SLC37A3: variants seen among roughly 807,000 people sequenced by gnomAD.
SLC37A3 encodes the protein sugar phosphate exchanger 3.
Under a neutral mutation model 67.1 loss-of-function variants are expected in SLC37A3, and 51 were observed. That is an observed-to-expected ratio of 0.76 (90% CI 0.61 to 0.96). The LOEUF (loss-of-function observed/expected upper bound fraction) is 0.96. Among genes scored for constraint, SLC37A3 ranks in the 40% least tolerant of loss-of-function variants. SLC37A3 has a pLI of 0.00. For missense variants in SLC37A3, 508 were observed against 603.0 expected (o/e 0.84, Z 1.65); for synonymous variants, 214 against 231.4 (o/e 0.92, Z 0.68).
At chr7:140,364,047 A>G (rs1797495197) in intron 5 of SLC37A3, among the ~76,000 whole-genome samples, 1 of 152,206 alleles carries the variant, frequency 6.6e-6, no homozygotes, top group Non-Finnish European at 1.5e-5. Flanking sequence ...ACCTGAGGCC[A>G]GGAGATAAGA....
At chr7:140,381,044 C>T (rs1264930103) in intron 2 of SLC37A3, among the ~76,000 whole-genome samples, 3 of 151,508 alleles carry the variant, frequency 2.0e-5, no homozygotes, top group African/African-American at 7.3e-5. Flanking sequence ...ATCACAGGCA[C>T]GTGCCATCAC....
intron 3 of SLC37A3, 163 bp downstream of exon 3, chr7:140,380,119 A>G (rs1798191556): frequency 2.3e-6 from 1 of 427,704 alleles, no homozygotes. Flanking sequence ...GGACTGAGTC[A>G]GAGCAGGCTT....
At chr7:140,384,759 T>C (rs1471962342) in intron 1 of SLC37A3, among the ~76,000 whole-genome samples, 1 of 145,902 alleles carries the variant, frequency 6.9e-6, no homozygotes, top group Non-Finnish European at 1.5e-5. Context: ...TTTATCCTCA[T>C]ATTCAAGGGA....
intron 7 of SLC37A3, among the ~76,000 whole-genome samples, chr7:140,352,642 T>C (rs1356585337): frequency 6.6e-6 from 1 of 152,064 alleles, no homozygotes; most frequent in African/African-American, 2.4e-5. Context: ...AGTAAGACAA[T>C]GTCTTAGGGA....
chr7:140,341,784 T>C (rs1010778364), intron 13 of SLC37A3, among the ~76,000 whole-genome samples: 1 of 152,162 alleles, frequency 6.6e-6, no homozygotes, highest in African/African-American at 2.4e-5. Context: ...CCCATTTAGT[T>C]AGTGAAGAAA....
intron 4 of SLC37A3, among the ~76,000 whole-genome samples, chr7:140,366,861 G>A (rs907555060): frequency 2.0e-5 from 3 of 152,130 alleles, no homozygotes; most frequent in East Asian, 1.9e-4. Context: ...TAGGCTGGGC[G>A]CAGTGGCTCA....
At position 140,334,683 on chromosome 7, in the gene SLC37A3, T is replaced by C. The variant is rs1796067032; in HGVS notation, c.*729A>G. ...TGTTCAAGATAACTGATGTACCTTATGGTCCTTGAAAGGAAGACTCAATAC... is the reference window on the plus strand; with the variant it reads ...TGTTCAAGATAACTGATGTACCTTACGGTCCTTGAAAGGAAGACTCAATAC... On this transcript the variant is annotated 3_prime_UTR_variant, in exon 15 of 15. Transcript: ENST00000326232. 1 of 157,848 alleles carries C rather than the reference T, an allele frequency of 6.3e-6. No individual in the cohort carries two copies. Among genetic ancestry groups the C allele is most frequent in the Admixed American group, 6.0e-5 (1 of 16,586 alleles). The allele number at this position is 157,848 out of a possible 1,614,324, so 9.8% of individuals were successfully genotyped here. A position where few individuals can be genotyped will look rare whatever the true frequency, so the allele number is the denominator to read the frequency against.
chr7:140,335,755 A>T (rs557683943), intron 14 of SLC37A3, among the ~76,000 whole-genome samples: 1 of 152,234 alleles, frequency 6.6e-6, no homozygotes, highest in African/African-American at 2.4e-5. Flanking sequence ...GGAGCAGAGA[A>T]CTGAGACCAG....
rs1003182865 is a variant in SLC37A3 at position 140,335,415 on chromosome 7, C to T, written c.1482G>A (p.Glu494=). The T allele has an allele frequency of 1.2e-6, 2 of 1,614,200 alleles. No homozygotes were observed. Among genetic ancestry groups the T allele is most frequent in the South Asian group, 1.1e-5 (1 of 91,080 alleles). The change falls in exon 15 of 15, where the codon GAG becomes GAA. Residue 494 remains glutamate (E), a synonymous_variant. Transcript: ENST00000326232. ...VLRRQAHILR[E] is the part of the protein sequence containing the mutation. ...CTTTCTGTCTCGCGGGCACCGGTCA[C>T]TCCCTCAATATGTGAGCCTGTCTCC...
At chr7:140,353,713 T>C (rs990223435) in intron 7 of SLC37A3, among the ~76,000 whole-genome samples, 26 of 151,808 alleles carry the variant, frequency 1.7e-4, no homozygotes, top group Admixed American at 1.4e-3. Flanking sequence ...GCACACTGTT[T>C]TGTTTTGTTT....
chr7:140,396,046 C>A (rs534886613), intron 1 of SLC37A3, among the ~76,000 whole-genome samples: 3 of 151,446 alleles, frequency 2.0e-5, no homozygotes, highest in Admixed American at 2.0e-4. Context: ...GACAGGGTCT[C>A]ACTCTGTTAC....
chr7:140,352,290 A>G, intron 7 of SLC37A3, 144 bp from the exon 8 acceptor site: 1 of 685,712 alleles, frequency 1.5e-6, no homozygotes, highest in Non-Finnish European at 2.5e-6. Flanking sequence ...CAGAGCTTCT[A>G]CTGGGCCGGG....
chr7:140,351,591 A>G, intron 8 of SLC37A3, 140 bp from the exon 9 acceptor site: 2 of 766,052 alleles, frequency 2.6e-6, no homozygotes, highest in East Asian at 2.7e-5. Flanking sequence ...ACCGAGGTCA[A>G]CTAAGGTCAA....
intron 13 of SLC37A3, chr7:140,337,571 C>T: frequency 2.7e-6 from 1 of 376,932 alleles, no homozygotes; most frequent in East Asian, 4.1e-5. Flanking sequence ...TAGAAGTTGT[C>T]AGTTCAGAAG....
intron 5 of SLC37A3, among the ~76,000 whole-genome samples, chr7:140,362,341 C>G (rs1797352083): frequency 7.1e-6 from 1 of 141,784 alleles, no homozygotes; most frequent in Admixed American, 6.9e-5. Context: ...AAGTGAGGAG[C>G]CCCTCCGTCC....
chr7:140,351,387 A>G lies in SLC37A3; in HGVS notation c.768T>C (p.Gly256=). The G allele has an allele frequency of 6.2e-7, 1 of 1,614,068 alleles. No homozygotes were observed. Among genetic ancestry groups the G allele is most frequent in the Non-Finnish European group, 8.5e-7 (1 of 1,180,016 alleles). The change falls in exon 9 of 15, where the codon GGT becomes GGC. Residue 256 remains glycine (G), a synonymous_variant. Transcript: ENST00000326232. ...GCTCATATTCGTCTTCATTTTCACC[A>G]CCATTAATTAATGGCCTGTGTGAGT... ...EEDSHRPLIN[G]GENEDEYEPN...
chr7:140,365,691 A>G (rs1378891467), intron 4 of SLC37A3, among the ~76,000 whole-genome samples: 3 of 152,166 alleles, frequency 2.0e-5, no homozygotes, highest in Non-Finnish European at 4.4e-5. Flanking sequence ...ACTGCACTCC[A>G]GCCTGGGCGA....
intron 5 of SLC37A3, among the ~76,000 whole-genome samples, chr7:140,361,500 C>CTCTCCCT (rs1563027197): frequency 4.1e-4 from 20 of 48,588 alleles, no homozygotes; most frequent in Non-Finnish European, 5.7e-4. Context: ...TCTCCCTCCC[C>CTCTCCCT]CTCCCCCTCC....
intron 4 of SLC37A3, 32 bp downstream of exon 4, chr7:140,369,558 T>C (rs1412380566): frequency 6.3e-7 from 1 of 1,578,262 alleles, no homozygotes; most frequent in Non-Finnish European, 8.7e-7. Flanking sequence ...ACATTTTTCT[T>C]TAGCTTTAAG....
Sources: allele counts gnomAD v4.1 joint callset (sites outside exome capture counted in the v4.1 genomes callset), GRCh38; gene constraint gnomAD v4.1.1; transcripts MANE v1.5; gene names NCBI Gene and HGNC (gene_info 2026-07-23, HGNC 2026-07-21).